The following RBMS3 variants were observed in gnomAD, a reference collection of about 807,000 sequenced individuals.
RBMS3 encodes the protein RNA-binding motif, single-stranded-interacting protein 3.
In RBMS3, 27 loss-of-function variants were observed where a neutral mutation model predicts 66.8. The ratio of observed to expected loss-of-function variants is 0.40; its 90% confidence interval spans 0.30 to 0.56. The LOEUF is 0.56. Among genes scored for constraint, RBMS3 ranks in the 20% least tolerant of loss-of-function variants. The probability of loss-of-function intolerance (pLI) is 0.40; values close to 1 mark genes in which losing one functional copy is unlikely to be tolerated. For missense variants in RBMS3, 513 were observed against 549.5 expected (o/e 0.93, Z 0.66); for synonymous variants, 188 against 183.0 (o/e 1.03, Z -0.22).
chr3:29,591,373 C>A (rs1018373028), intron 4 of RBMS3, among the ~76,000 whole-genome samples: 2 of 152,026 alleles, frequency 1.3e-5, no homozygotes, highest in African/African-American at 4.8e-5. Context: ...TGTAGAATGA[C>A]ATAGAAACAA....
At chr3:29,659,787 A>T (rs1455989774) in intron 4 of RBMS3, among the ~76,000 whole-genome samples, 1 of 151,982 alleles carries the variant, frequency 6.6e-6, no homozygotes, top group Admixed American at 6.6e-5. Context: ...TCCATTTTTA[A>T]TATTTTTGAG....
intron 4 of RBMS3, among the ~76,000 whole-genome samples, chr3:29,604,185 A>G (rs2048243588): frequency 1.3e-5 from 2 of 152,006 alleles, no homozygotes; most frequent in Non-Finnish European, 2.9e-5. Context: ...TAAAAAATCA[A>G]TCTTAATTTT....
intron 5 of RBMS3, among the ~76,000 whole-genome samples, chr3:29,744,501 C>T (rs775346846): frequency 3.0e-4 from 46 of 152,108 alleles, no homozygotes; most frequent in Middle Eastern, 3.4e-3. Context: ...AAGAATATGC[C>T]GGCTGGGCGC....
intron 6 of RBMS3, among the ~76,000 whole-genome samples, chr3:29,777,196 A>G (rs1047947723): frequency 1.3e-5 from 2 of 151,214 alleles, no homozygotes; most frequent in African/African-American, 2.4e-5. Flanking sequence ...CCTTTCCTTA[A>G]CTCTCACTGT....
intron 2 of RBMS3, 113 bp from the exon 3 acceptor site, chr3:29,488,328 G>A: frequency 3.9e-6 from 3 of 764,496 alleles, no homozygotes; most frequent in Non-Finnish European, 4.1e-6. Context: ...TCCAGAGCTT[G>A]TTTTCTTGGT....
chr3:29,793,217 T>A (rs2057071025), intron 6 of RBMS3, among the ~76,000 whole-genome samples: 1 of 145,316 alleles, frequency 6.9e-6, no homozygotes, highest in South Asian at 2.2e-4. Flanking sequence ...GGCAATGGAG[T>A]GAGACTCCAT....
intron 6 of RBMS3, among the ~76,000 whole-genome samples, chr3:29,831,728 A>C (rs1027925829): frequency 1.3e-5 from 2 of 152,118 alleles, no homozygotes; most frequent in African/African-American, 4.8e-5. Flanking sequence ...TCATAATTTT[A>C]TGTAAGGACC....
At chr3:29,416,442 G>A (rs895335948) in intron 1 of RBMS3, among the ~76,000 whole-genome samples, 1 of 152,154 alleles carries the variant, frequency 6.6e-6, no homozygotes, top group Admixed American at 6.5e-5. Flanking sequence ...AACTGGCAAT[G>A]TGTTTCCATG....
chr3:29,700,935 A>T (rs1003298009), intron 4 of RBMS3, among the ~76,000 whole-genome samples: 4 of 152,186 alleles, frequency 2.6e-5, no homozygotes, highest in African/African-American at 9.7e-5. Context: ...AAGGTGAAGA[A>T]GTTGGAAAGG....
At chr3:29,726,898 G>A (rs1576628464) in intron 4 of RBMS3, among the ~76,000 whole-genome samples, 1 of 152,266 alleles carries the variant, frequency 6.6e-6, no homozygotes, top group South Asian at 2.1e-4. Flanking sequence ...AAAAGAGCTT[G>A]TATAGCCAAG....
At chr3:29,425,481 A>C (rs945119509) in intron 1 of RBMS3, among the ~76,000 whole-genome samples, 38 of 151,794 alleles carry the variant, frequency 2.5e-4, no homozygotes, top group African/African-American at 8.9e-4. Flanking sequence ...AAAATACAAA[A>C]AAAAAAATTA....
At chr3:29,694,632 T>C (rs2052181184) in intron 4 of RBMS3, among the ~76,000 whole-genome samples, 1 of 152,156 alleles carries the variant, frequency 6.6e-6, no homozygotes, top group South Asian at 2.1e-4. Flanking sequence ...TGAATTCCAA[T>C]TAATATAGGA....
At chr3:29,803,107 C>A (rs530809676) in intron 6 of RBMS3, among the ~76,000 whole-genome samples, 5 of 152,138 alleles carry the variant, frequency 3.3e-5, no homozygotes, top group Non-Finnish European at 7.4e-5. Flanking sequence ...CCTTCTTGGG[C>A]AAATGAAGAA....
intron 2 of RBMS3, among the ~76,000 whole-genome samples, chr3:29,439,210 A>G (rs764096994): frequency 1.3e-5 from 2 of 152,162 alleles, no homozygotes; most frequent in African/African-American, 4.8e-5. Context: ...TTTGGAGATG[A>G]TGTTAGAAGC....
intron 6 of RBMS3, among the ~76,000 whole-genome samples, chr3:29,779,756 A>G (rs1214020433): frequency 7.5e-6 from 1 of 132,528 alleles, no homozygotes; most frequent in Non-Finnish European, 1.7e-5. Flanking sequence ...ACATAGTAGA[A>G]GATACAATAG....
intron 4 of RBMS3, among the ~76,000 whole-genome samples, chr3:29,681,621 C>T (rs954703115): frequency 2.0e-5 from 3 of 152,014 alleles, no homozygotes; most frequent in South Asian, 2.1e-4. Context: ...TTTCTGTTCC[C>T]GCGTTAGTTT....
intron 8 of RBMS3, among the ~76,000 whole-genome samples, chr3:29,894,493 C>T (rs1054849948): frequency 2.6e-5 from 4 of 151,328 alleles, no homozygotes; most frequent in Admixed American, 6.6e-5. Context: ...TCAGTGTGTG[C>T]GTGTGAGAGA....
rs1336850617 is a variant in RBMS3, at chr3:29,422,112, G to C, written c.76-12631G>C. 4.6e-5 allele frequency among the ~76,000 whole-genome samples: 7 copies of C among 152,300 alleles called. No homozygotes were observed. The East Asian group carries it at 1.4e-3, about 29-fold the overall frequency. On this transcript the variant is annotated intron_variant, in intron 1 of 14. Transcript: ENST00000383767. The stretch of plus-strand genomic sequence containing the variant: ...CTATTATTTCAATTTTTTGAGATGA[G>C]GAGATGGAGACAAAAGAGGTGGCAT...
At chr3:29,379,436 C>A (rs1163418433) in intron 1 of RBMS3, among the ~76,000 whole-genome samples, 1 of 152,134 alleles carries the variant, frequency 6.6e-6, no homozygotes, top group Non-Finnish European at 1.5e-5. Context: ...AAAGACATAC[C>A]TAAGACTGGA....
Sources: gnomAD v4.1 joint callset for allele counts (sites outside exome capture counted in the v4.1 genomes callset) on GRCh38, gnomAD v4.1.1 for gene constraint, MANE v1.5 for transcripts, NCBI Gene and HGNC (gene_info 2026-07-23, HGNC 2026-07-21) for gene names.